The following EYA1 variants were observed in gnomAD, a reference collection of about 807,000 sequenced individuals.
EYA1 encodes EYA transcriptional coactivator and phosphatase 1.
In EYA1, 16 loss-of-function variants were observed where a neutral mutation model predicts 82.0. The observed-to-expected ratio is 0.20, with a 90% CI of 0.13 to 0.30. The LOEUF (loss-of-function observed/expected upper bound fraction) is 0.30, where lower values mean the gene tolerates loss of function less well. Ranked by LOEUF, EYA1 falls within the 10% of genes least tolerant of loss-of-function variation. The pLI is 1.00. For missense variants in EYA1, 633 were observed against 730.7 expected (o/e 0.87, Z 1.54); for synonymous variants, 261 against 264.4 (o/e 0.99, Z 0.12).
intron 3 of EYA1, among the ~76,000 whole-genome samples, chr8:71,339,176 C>T (rs1254150189): frequency 1.3e-5 from 2 of 152,092 alleles, no homozygotes; most frequent in Admixed American, 1.3e-4. Context: ...TTTCCAAATC[C>T]CTATCTATTC....
chr8:71,430,595 C>T (rs1269417544), intron 2 of EYA1, among the ~76,000 whole-genome samples: 1 of 152,162 alleles, frequency 6.6e-6, no homozygotes, highest in African/African-American at 2.4e-5. Context: ...TATGAACATC[C>T]AGTTGAGTCA....
rs1563383057 is a variant in EYA1, at chr8:71,277,115, A to ATGCTTTTTT, written c.827-5219_827-5218insAAAAAAGCA. On this transcript the variant is annotated intron_variant, in intron 9 of 17. Transcript: ENST00000340726. ...GCCATGCTATTTCATGGCTTCACAC[A>ATGCTTTTTT]TTTTTTTTTTTTTTTTTTTTTTTTT... Among the ~76,000 whole-genome samples, 3 of 76,938 alleles carry ATGCTTTTTT rather than the reference A, an allele frequency of 3.9e-5. 1 individual carries two copies. The highest frequency in any genetic ancestry group is 1.1e-4 in the African/African-American group (2 of 18,750). 50.5% of individuals were successfully genotyped at this position (76,938 alleles called of 152,430 possible).
chr8:71,455,627 C>T (rs1396778049), intron 2 of EYA1, among the ~76,000 whole-genome samples: 1 of 152,116 alleles, frequency 6.6e-6, no homozygotes, highest in Non-Finnish European at 1.5e-5. Context: ...TAAATATAAT[C>T]CAGCATATAA....
intron 9 of EYA1, among the ~76,000 whole-genome samples, chr8:71,289,594 A>G (rs1457638956): frequency 3.9e-5 from 6 of 152,218 alleles, no homozygotes. Context: ...ACTGATTAAA[A>G]ACTCAAGTTT....
intron 9 of EYA1, among the ~76,000 whole-genome samples, chr8:71,274,226 C>G (rs968994543): frequency 8.5e-5 from 13 of 152,238 alleles, no homozygotes; most frequent in Middle Eastern, 6.8e-3. Flanking sequence ...ACACCCACAC[C>G]CGTACCTTGC....
At chr8:71,412,740 G>A (rs1384365980) in intron 2 of EYA1, among the ~76,000 whole-genome samples, 1 of 152,168 alleles carries the variant, frequency 6.6e-6, no homozygotes, top group African/African-American at 2.4e-5. Context: ...AAACTGCTCT[G>A]GGCATAGTCA....
At chr8:71,417,446 T>C (rs994698594) in intron 2 of EYA1, among the ~76,000 whole-genome samples, 5 of 152,218 alleles carry the variant, frequency 3.3e-5, no homozygotes, top group African/African-American at 1.2e-4. Context: ...GAAAGCCATT[T>C]TTTGCCTACT....
intron 9 of EYA1, 32 bp downstream of exon 9, chr8:71,299,015 A>G: frequency 6.3e-7 from 1 of 1,591,780 alleles, no homozygotes; most frequent in Non-Finnish European, 8.6e-7. Context: ...TGAAAATATC[A>G]CCTGCAGGAC....
At chr8:71,499,390 A>T (rs1267671487) in intron 2 of EYA1, among the ~76,000 whole-genome samples, 1 of 152,184 alleles carries the variant, frequency 6.6e-6, no homozygotes, top group Non-Finnish European at 1.5e-5. Flanking sequence ...GAAGTAGTAC[A>T]ATCATCTCTA....
At chr8:71,216,194 C>T (rs1035652972) in intron 14 of EYA1, among the ~76,000 whole-genome samples, 2 of 152,142 alleles carry the variant, frequency 1.3e-5, no homozygotes, top group South Asian at 2.1e-4. Flanking sequence ...CAGGCTTCCC[C>T]GACAGCATCA....
rs143501806 is a variant in EYA1 at position 71,217,093 on chromosome 8, A to C, written c.1141-70T>G. On this transcript the variant is annotated intron_variant, in intron 12 of 17. Transcript: ENST00000340726. Reference sequence around the variant, plus strand: ...CTAATTTTTTTGTTTTGTTTTGGAAAAACCATACATATTTTTTAAAGCACC... The same window carrying C: ...CTAATTTTTTTGTTTTGTTTTGGAACAACCATACATATTTTTTAAAGCACC... 5.2e-6 allele frequency: 6 copies of C among 1,164,500 alleles called. No individual in the cohort carries two copies. In the African/African-American group the frequency reaches 9.1e-5, roughly 18 times the overall value. 72.1% of individuals were successfully genotyped at this position (1,164,500 alleles called of 1,614,324 possible). A position where few individuals can be genotyped will look rare whatever the true frequency, so the allele number is the denominator to read the frequency against.
chr8:71,385,126 G>A (rs920546083), intron 2 of EYA1, among the ~76,000 whole-genome samples: 9 of 151,944 alleles, frequency 5.9e-5, no homozygotes, highest in African/African-American at 2.2e-4. Flanking sequence ...TCTCCTATCT[G>A]AGCCTCCTGA....
intron 6 of EYA1, among the ~76,000 whole-genome samples, chr8:71,319,776 C>T (rs1586344129): frequency 6.6e-6 from 1 of 152,284 alleles, no homozygotes; most frequent in Middle Eastern, 3.4e-3. Flanking sequence ...AAAACCCAAG[C>T]TATGTGCTCT....
chr8:71,506,426 AT>A (rs1186056534), intron 2 of EYA1, among the ~76,000 whole-genome samples: 2 of 152,086 alleles, frequency 1.3e-5, no homozygotes, highest in Non-Finnish European at 2.9e-5. Context: ...TGTGCAAAAT[AT>A]TTTTTTCCTG....
intron 2 of EYA1, among the ~76,000 whole-genome samples, chr8:71,398,681 C>T (rs1007236489): frequency 7.9e-5 from 12 of 152,204 alleles, no homozygotes; most frequent in African/African-American, 2.9e-4. Context: ...GGGCATCCAG[C>T]TGTATGAGCT....
At chr8:71,489,507 A>G (rs1375486541) in intron 2 of EYA1, among the ~76,000 whole-genome samples, 1 of 152,238 alleles carries the variant, frequency 6.6e-6, no homozygotes, top group Non-Finnish European at 1.5e-5. Flanking sequence ...CATTCTGCTC[A>G]CTAACCTTTA....
chr8:71,459,322 C>T (rs1808195894), intron 2 of EYA1, among the ~76,000 whole-genome samples: 1 of 152,160 alleles, frequency 6.6e-6, no homozygotes, highest in Non-Finnish European at 1.5e-5. Flanking sequence ...TCCTGCAAAG[C>T]CTGTACCTAA....
In EYA1 at chr8:71,322,529, C is replaced by G. The variant is rs1250237923; in HGVS notation, c.203-261G>C. 6.3e-6 allele frequency: 3 copies of G among 474,406 alleles called. No individual in the cohort carries two copies. The East Asian group carries it at 1.2e-4, about 19-fold the overall frequency. The allele number at this position is 474,406 out of a possible 1,614,324, so 29.4% of individuals were successfully genotyped here. ...AACGTCATCACAATCTTCGCAAATA[C>G]CTGCTGGCATGCTGTGAGTTTTTAC... On this transcript the variant is annotated intron_variant, in intron 4 of 17. Transcript: ENST00000340726.
At chr8:71,394,545 G>C (rs1367326862) in intron 2 of EYA1, among the ~76,000 whole-genome samples, 1 of 152,162 alleles carries the variant, frequency 6.6e-6, no homozygotes, top group Non-Finnish European at 1.5e-5. Context: ...TTATTAAATA[G>C]GGAATCATTT....
Sources: gnomAD v4.1 joint callset for allele counts (sites outside exome capture counted in the v4.1 genomes callset) on GRCh38, gnomAD v4.1.1 for gene constraint, MANE v1.5 for transcripts, NCBI Gene and HGNC (gene_info 2026-07-23, HGNC 2026-07-21) for gene names.